TENM2: variants seen among roughly 807,000 people sequenced by gnomAD.
TENM2 encodes teneurin-2.
TENM2 carries 52 observed loss-of-function variants against 245.2 expected under a neutral mutation model. The ratio of observed to expected loss-of-function variants is 0.21; its 90% CI spans 0.17 to 0.27. The LOEUF (loss-of-function observed/expected upper bound fraction) is 0.27. TENM2 is among the 10% of genes least tolerant of loss of function. The pLI is 1.00. For missense variants in TENM2, 3,046 were observed against 3,666.8 expected, an observed-to-expected ratio of 0.83 and a Z score of 4.37; for synonymous variants, 1,363 against 1,438.9, an observed-to-expected ratio of 0.95 and a Z score of 1.19.
chr5:168,076,986 G>A (rs546869392), intron 7 of TENM2, among the ~76,000 whole-genome samples: 102 of 152,294 alleles, frequency 6.7e-4, no homozygotes, highest in Non-Finnish European at 1.3e-3. Flanking sequence ...CCTCTTTGAA[G>A]CTGGCTGCTT....
chr5:167,018,204 T>C, the TENM2 span, among the ~76,000 whole-genome samples: 1 of 152,300 alleles, frequency 6.6e-6, no homozygotes, highest in Non-Finnish European at 1.5e-5. Context: ...TCCCCTAAAA[T>C]GATATATCAC....
chr5:167,007,646 A>G, the TENM2 span, among the ~76,000 whole-genome samples: 3,007 of 152,212 alleles, frequency 0.02, 99 homozygotes, highest in African/African-American at 0.068. The surrounding 1 kb of genome is among the most constrained non-coding windows in gnomAD (Gnocchi z 4.2). Flanking sequence ...GCCTCCCACA[A>G]AAATTGAGTC....
chr5:168,237,864 C>G (rs1051934179), intron 25 of TENM2, among the ~76,000 whole-genome samples: 11 of 151,576 alleles, frequency 7.3e-5, no homozygotes, highest in African/African-American at 2.7e-4. Context: ...AATCCCAGGC[C>G]GGGCGCGGTG....
chr5:167,079,981 A>G, the TENM2 span, among the ~76,000 whole-genome samples: 1 of 152,354 alleles, frequency 6.6e-6, no homozygotes, highest in African/African-American at 2.4e-5. Context: ...ATGACAGTAT[A>G]ATGAACATAG....
chr5:167,877,011 G>A (rs1773480947), intron 3 of TENM2, among the ~76,000 whole-genome samples: 1 of 152,128 alleles, frequency 6.6e-6, no homozygotes, highest in Non-Finnish European at 1.5e-5. Context: ...ATGTTCCTGT[G>A]AACATCTGAA....
chr5:167,622,822 G>A (rs1287206945), intron 2 of TENM2, among the ~76,000 whole-genome samples: 1 of 152,008 alleles, frequency 6.6e-6, no homozygotes, highest in Non-Finnish European at 1.5e-5. Flanking sequence ...AGGAGGGTGG[G>A]GATTCCTTCA....
chr5:167,959,774 A>G (rs975708681), intron 4 of TENM2, among the ~76,000 whole-genome samples: 2 of 152,138 alleles, frequency 1.3e-5, no homozygotes, highest in African/African-American at 4.8e-5. Flanking sequence ...TTGGATGAGA[A>G]GAGGTGTTCT....
chr5:167,130,565 T>C, the TENM2 span, among the ~76,000 whole-genome samples: 1 of 152,200 alleles, frequency 6.6e-6, no homozygotes, highest in Non-Finnish European at 1.5e-5. Context: ...CTAAAGTCAC[T>C]GGCAGTCCTG....
intron 2 of TENM2, among the ~76,000 whole-genome samples, chr5:167,387,333 G>T (rs1200001300): frequency 6.6e-6 from 1 of 152,064 alleles, no homozygotes; most frequent in African/African-American, 2.4e-5. Context: ...CACTGTCGGT[G>T]TATAGAAGAG....
At chr5:167,250,934 G>C in the TENM2 span, among the ~76,000 whole-genome samples, 1 of 152,210 alleles carries the variant, frequency 6.6e-6, no homozygotes, top group African/African-American at 2.4e-5. Context: ...ATATTGATTG[G>C]ATGGTGTTGG....
rs149432970 is a variant in TENM2, at chr5:168,107,657, C to T, written c.1813+9530C>T. On this transcript the variant is annotated intron_variant, in intron 9 of 28. Coordinates refer to ENST00000518659, the Ensembl canonical transcript of TENM2. ...GGTCATCCACGATCTAAACTGCTCT[C>T]GCACTGTCACCTCCCACTGAGGCCT... 1.8e-4 allele frequency among the ~76,000 whole-genome samples: 28 copies of T among 152,246 alleles called. 2 individuals are homozygous for T. The East Asian group carries it at 5.0e-3, about 27-fold the overall frequency.
intron 2 of TENM2, among the ~76,000 whole-genome samples, chr5:167,545,768 G>A (rs1312490914): frequency 1.3e-5 from 2 of 151,970 alleles, no homozygotes; most frequent in Non-Finnish European, 2.9e-5. Context: ...TTCCTAATTT[G>A]GGCATAATAA....
At chr5:167,714,650 G>T (rs1007988911) in intron 2 of TENM2, among the ~76,000 whole-genome samples, 5 of 152,152 alleles carry the variant, frequency 3.3e-5, no homozygotes, top group Non-Finnish European at 7.4e-5. Context: ...GCTTTTCTAA[G>T]AAAATCAGAC....
At chr5:167,868,500 A>C (rs1772526221) in intron 2 of TENM2, among the ~76,000 whole-genome samples, 1 of 152,062 alleles carries the variant, frequency 6.6e-6, no homozygotes, top group Non-Finnish European at 1.5e-5. Context: ...GCACTTTGAG[A>C]GGCTGAGGTG....
intron 2 of TENM2, among the ~76,000 whole-genome samples, chr5:167,747,626 G>A (rs972718152): frequency 2.6e-5 from 4 of 152,200 alleles, no homozygotes; most frequent in Admixed American, 1.3e-4. Flanking sequence ...GGGATGTGGG[G>A]ATGTCTTCTC....
At chr5:168,182,665 A>T (rs1036199251) in intron 13 of TENM2, among the ~76,000 whole-genome samples, 5 of 152,012 alleles carry the variant, frequency 3.3e-5, no homozygotes, top group African/African-American at 1.2e-4. Flanking sequence ...ATTGCATCTC[A>T]GCGGGCCCTG....
At chr5:167,977,645 G>A (rs1782540347) in intron 4 of TENM2, among the ~76,000 whole-genome samples, 1 of 152,118 alleles carries the variant, frequency 6.6e-6, no homozygotes, top group South Asian at 2.1e-4. Context: ...TTCTTGTTTT[G>A]TAATTCATTA....
intron 2 of TENM2, among the ~76,000 whole-genome samples, chr5:167,690,621 A>G (rs770113133): frequency 2.0e-5 from 3 of 152,154 alleles, no homozygotes; most frequent in Non-Finnish European, 4.4e-5. Flanking sequence ...TAAAGAAAGG[A>G]GATTGGGTTA....
intron 17 of TENM2, among the ~76,000 whole-genome samples, chr5:168,201,258 C>A (rs1324593819): frequency 6.6e-6 from 1 of 151,502 alleles, no homozygotes; most frequent in African/African-American, 2.4e-5. Context: ...ACAACACTGG[C>A]TAATCAAATA....
Sources: gnomAD v4.1 joint callset for allele counts (sites outside exome capture counted in the v4.1 genomes callset) on GRCh38, gnomAD v4.1.1 for gene constraint, Gnocchi (gnomAD v3.1) non-coding constraint, MANE v1.5 for transcripts, NCBI Gene and HGNC (gene_info 2026-07-23, HGNC 2026-07-21) for gene names.